Variants in NTM observed in about 807,000 individuals in gnomAD.
NTM encodes neurotrimin.
NTM carries 13 observed loss-of-function variants against 42.1 expected under a neutral mutation model. The observed-to-expected ratio is 0.31, with a 90% CI of 0.20 to 0.49. The LOEUF is 0.49. Ranked by LOEUF, NTM falls within the 20% of genes least tolerant of loss-of-function variation. The pLI is 0.99. For missense variants in NTM, 373 were observed against 452.8 expected (o/e 0.82, Z 1.60); for synonymous variants, 187 against 179.2 (o/e 1.04, Z -0.35).
intron 1 of NTM, among the ~76,000 whole-genome samples, chr11:131,622,545 TATTAA>T (rs2062684339): frequency 6.6e-6 from 1 of 152,218 alleles, no homozygotes; most frequent in Admixed American, 6.5e-5. Context: ...TTGACCAGAT[TATTAA>T]ATTAACCACT....
chr11:132,047,540 G>A (rs1054728428), intron 2 of NTM, among the ~76,000 whole-genome samples: 2 of 152,200 alleles, frequency 1.3e-5, no homozygotes, highest in African/African-American at 2.4e-5. Context: ...TGAAGCAAAA[G>A]CTCCACATTT....
At chr11:132,189,947 A>G (rs1236159719) in intron 3 of NTM, among the ~76,000 whole-genome samples, 1 of 152,232 alleles carries the variant, frequency 6.6e-6, no homozygotes, top group Non-Finnish European at 1.5e-5. Context: ...GCCTTCTAGA[A>G]TCTCATATTC....
At chr11:132,220,989 G>A (rs1380424165) in intron 4 of NTM, among the ~76,000 whole-genome samples, 2 of 152,128 alleles carry the variant, frequency 1.3e-5, no homozygotes, top group Non-Finnish European at 2.9e-5. Flanking sequence ...CACAACCAGG[G>A]TACCTCCTCG....
At chr11:131,723,945 A>C (rs77373327) in intron 1 of NTM, among the ~76,000 whole-genome samples, 6,009 of 152,294 alleles carry the variant, frequency 0.039, 371 homozygotes, top group African/African-American at 0.14. Flanking sequence ...AGGCCAATGT[A>C]ATTTCTTTGA....
At chr11:131,510,370 A>G (rs1429990988) in intron 1 of NTM, among the ~76,000 whole-genome samples, 2 of 152,182 alleles carry the variant, frequency 1.3e-5, no homozygotes, top group African/African-American at 4.8e-5. Flanking sequence ...CTCCAAGCCC[A>G]GTAAAGTACC....
At chr11:131,447,938 G>T (rs767286101) in intron 1 of NTM, among the ~76,000 whole-genome samples, 1 of 152,192 alleles carries the variant, frequency 6.6e-6, no homozygotes, top group Non-Finnish European at 1.5e-5. Context: ...GTACTTCTGC[G>T]TCTTGGGCAG....
intron 1 of NTM, among the ~76,000 whole-genome samples, chr11:131,589,436 G>A (rs965370771): frequency 1.3e-5 from 2 of 152,102 alleles, no homozygotes; most frequent in Admixed American, 1.3e-4. Flanking sequence ...GTAATTAAAA[G>A]CTGACTACAC....
chr11:131,937,460 ATGT>A (rs531807353), intron 2 of NTM, among the ~76,000 whole-genome samples: 29 of 152,282 alleles, frequency 1.9e-4, no homozygotes, highest in African/African-American at 5.5e-4. Flanking sequence ...GTGGGGGTAC[ATGT>A]TGTAGAGAGA....
At chr11:132,132,133 G>A (rs2066934198) in intron 2 of NTM, among the ~76,000 whole-genome samples, 1 of 152,158 alleles carries the variant, frequency 6.6e-6, no homozygotes, top group Non-Finnish European at 1.5e-5. Flanking sequence ...TCTGCCTGAC[G>A]TTTTATACCT....
chr11:132,061,726 G>C (rs1365722805), intron 2 of NTM, among the ~76,000 whole-genome samples: 1 of 152,150 alleles, frequency 6.6e-6, no homozygotes, highest in Non-Finnish European at 1.5e-5. Context: ...GGAGATGAAT[G>C]TCACAGGAGA....
chr11:131,420,923 AGACCACACTCTG>A (rs1454239976), intron 1 of NTM, among the ~76,000 whole-genome samples: 2 of 152,050 alleles, frequency 1.3e-5, no homozygotes, highest in Admixed American at 1.3e-4. Flanking sequence ...TGCTTCACGC[AGACCACACTCTG>A]GAGCTTCCCA....
At chr11:131,503,455 A>G (rs1377303297) in intron 1 of NTM, among the ~76,000 whole-genome samples, 1 of 152,084 alleles carries the variant, frequency 6.6e-6, no homozygotes, top group Non-Finnish European at 1.5e-5. Flanking sequence ...GGAGGAAAGG[A>G]GAGCAGGTGC....
intron 1 of NTM, chr11:131,769,643 T>C: frequency 2.1e-6 from 2 of 943,862 alleles, no homozygotes; most frequent in South Asian, 4.9e-5. Context: ...GCAGATAGCA[T>C]GAGCTCGCTT....
chr11:132,194,546 A>G (rs188570168), intron 3 of NTM, among the ~76,000 whole-genome samples: 8 of 152,184 alleles, frequency 5.3e-5, no homozygotes, highest in African/African-American at 1.9e-4. Context: ...ATTCCCCTTG[A>G]GAAATTCAAC....
intron 1 of NTM, among the ~76,000 whole-genome samples, chr11:131,453,938 A>G (rs78342532): frequency 0.04 from 6,106 of 152,276 alleles, 139 homozygotes; most frequent in Non-Finnish European, 0.046. Flanking sequence ...AGCTGGGCTG[A>G]ACCTGTCTCC....
intron 1 of NTM, among the ~76,000 whole-genome samples, chr11:131,814,695 C>T (rs1237444904): frequency 1.3e-5 from 2 of 152,102 alleles, no homozygotes; most frequent in African/African-American, 4.8e-5. Flanking sequence ...AAACCATGCC[C>T]ACTCCTTGCT....
rs1156497939 is a variant in NTM at position 132,307,671 on chromosome 11, T to A, written c.527-18T>A. 2 of 1,613,812 alleles carry A rather than the reference T, an allele frequency of 1.2e-6. No homozygotes were observed. The highest frequency in any genetic ancestry group is 2.7e-5 in the African/African-American group (2 of 74,924). The stretch of plus-strand genomic sequence containing the variant: ...TTTTTTCCTTGTATTTCACCACACG[T>A]TACCGGTTTTCCCGCAGCGGTTGGC... On this transcript the variant is annotated intron_variant, in intron 4 of 8. Transcript: ENST00000683400.
chr11:131,548,502 A>G (rs2054236629), intron 1 of NTM, among the ~76,000 whole-genome samples: 2 of 152,192 alleles, frequency 1.3e-5, no homozygotes, highest in Non-Finnish European at 2.9e-5. Flanking sequence ...ATGTAAAGTT[A>G]TAATAATTAT....
chr11:131,945,143 C>T (rs138771959), intron 2 of NTM, among the ~76,000 whole-genome samples: 97 of 152,244 alleles, frequency 6.4e-4, no homozygotes, highest in South Asian at 1.5e-3. Context: ...CCTTATAGGG[C>T]GATTCACAAA....
Sources: allele counts gnomAD v4.1 joint callset (sites outside exome capture counted in the v4.1 genomes callset), GRCh38; gene constraint gnomAD v4.1.1; transcripts MANE v1.5; gene names NCBI Gene and HGNC (gene_info 2026-07-23, HGNC 2026-07-21).